The following MEF2C variants were observed in gnomAD, a reference collection of about 807,000 sequenced individuals.
MEF2C encodes myocyte enhancer factor 2C.
Under a neutral mutation model 50.5 loss-of-function variants are expected in MEF2C, and 6 were observed. That is an observed-to-expected ratio of 0.12 (90% CI 0.07 to 0.23). The LOEUF is 0.23. MEF2C is among the 10% of genes least tolerant of loss of function. The probability of loss-of-function intolerance (pLI) is 1.00; values close to 1 mark genes in which losing one functional copy is unlikely to be tolerated. For synonymous variants in MEF2C, 183 were observed against 228.0 expected (o/e 0.80, Z 1.78); for missense variants, 276 against 605.0 (o/e 0.46, Z 5.70).
Position 88,792,807 on chromosome 5 carries a change from GT to G in MEF2C, c.258+11790del, listed in dbSNP as rs896240410. 4.6e-5 allele frequency among the ~76,000 whole-genome samples: 7 copies of G among 152,256 alleles called. No homozygotes were observed. In the East Asian group the frequency reaches 1.4e-3, roughly 29 times the overall value. On this transcript the variant is annotated intron_variant, in intron 3 of 10. Transcript: ENST00000504921. ...GAGTATGGACCTAGATTACTTGAGT[GT>G]TTTTAAATTGTGCTTTGATAAACTC...
intron 2 of MEF2C, among the ~76,000 whole-genome samples, chr5:88,813,861 T>G (rs1269460081): frequency 6.6e-6 from 1 of 152,130 alleles, no homozygotes; most frequent in Non-Finnish European, 1.5e-5. Flanking sequence ...TTCAAAGGTT[T>G]GAGGTTTGAT....
intron 1 of MEF2C, among the ~76,000 whole-genome samples, chr5:88,828,970 T>C (rs1811996987): frequency 6.6e-6 from 1 of 151,982 alleles, no homozygotes; most frequent in Non-Finnish European, 1.5e-5. Flanking sequence ...TCTGAGTTTA[T>C]TTCCAAATCA....
At chr5:88,798,271 C>T (rs1437876203) in intron 3 of MEF2C, among the ~76,000 whole-genome samples, 2 of 152,164 alleles carry the variant, frequency 1.3e-5, no homozygotes, top group African/African-American at 4.8e-5. Flanking sequence ...CTTTTAGGTA[C>T]ACCAATCAAA....
At chr5:88,885,684 A>G (rs547761402), upstream of MEF2C, among the ~76,000 whole-genome samples, 1 of 152,328 alleles carries the variant, frequency 6.6e-6, no homozygotes, top group South Asian at 2.1e-4. Context: ...GTAAAAATAA[A>G]ATTAATTTTC....
chr5:88,729,649 T>A (rs1760557831), intron 8 of MEF2C: 1 of 319,456 alleles, frequency 3.1e-6, no homozygotes, highest in Admixed American at 4.7e-5. Flanking sequence ...ATGTATACTG[T>A]ACTTCCATTG....
intron 1 of MEF2C, among the ~76,000 whole-genome samples, chr5:88,855,743 T>G (rs976529857): frequency 1.3e-5 from 2 of 152,194 alleles, no homozygotes; most frequent in Non-Finnish European, 1.5e-5. Flanking sequence ...TGTGAAGAGG[T>G]GCCTTCTGCC....
intron 2 of MEF2C, among the ~76,000 whole-genome samples, chr5:88,818,887 C>G (rs762733249): frequency 2.0e-5 from 3 of 151,994 alleles, no homozygotes; most frequent in Non-Finnish European, 4.4e-5. Flanking sequence ...ATCACATTAA[C>G]TATAATAGCT....
At chr5:88,869,280 T>TAC (rs1465201410) in intron 1 of MEF2C, among the ~76,000 whole-genome samples, 58 of 73,916 alleles carry the variant, frequency 7.8e-4, no homozygotes, top group African/African-American at 4.5e-3. Context: ...TATATATACA[T>TAC]ATATATATAT....
At chr5:88,772,314 TC>T (rs1345787654) in intron 3 of MEF2C, 1 of 152,226 alleles carries the variant, frequency 6.6e-6, no homozygotes, top group Admixed American at 6.5e-5. Context: ...AGTCAGGAAC[TC>T]CCAAGATAAA....
At chr5:88,741,345 A>T (rs983258548) in intron 6 of MEF2C, 12 of 984,936 alleles carry the variant, frequency 1.2e-5, no homozygotes, top group Non-Finnish European at 1.4e-5. Context: ...CAGTTATCTC[A>T]TTTAATTTTT....
At chr5:88,821,119 C>T (rs1164414153) in intron 2 of MEF2C, among the ~76,000 whole-genome samples, 7 of 151,838 alleles carry the variant, frequency 4.6e-5, no homozygotes, top group Non-Finnish European at 2.9e-5. Flanking sequence ...TCAAACTAAG[C>T]TGAATTTAAA....
At chr5:88,791,761 A>C (rs1363572598) in intron 3 of MEF2C, among the ~76,000 whole-genome samples, 1 of 152,158 alleles carries the variant, frequency 6.6e-6, no homozygotes, top group African/African-American at 2.4e-5. Flanking sequence ...TTTGGGGAAC[A>C]AGTAAAAATA....
intron 1 of MEF2C, among the ~76,000 whole-genome samples, chr5:88,862,003 G>A (rs1825671893): frequency 6.6e-6 from 1 of 152,136 alleles, no homozygotes; most frequent in South Asian, 2.1e-4. Context: ...AATGGTATTA[G>A]TAAGCAGTGC....
intron 3 of MEF2C, among the ~76,000 whole-genome samples, chr5:88,766,449 AGAAAT>A (rs1178974861): frequency 6.6e-6 from 1 of 152,224 alleles, no homozygotes; most frequent in African/African-American, 2.4e-5. Context: ...GTTAGTAAAA[AGAAAT>A]AAGTAAATTA....
intron 1 of MEF2C, among the ~76,000 whole-genome samples, chr5:88,876,507 G>A (rs912308200): frequency 1.3e-5 from 2 of 151,890 alleles, no homozygotes; most frequent in Non-Finnish European, 1.5e-5. Flanking sequence ...ATTCAGGGTC[G>A]ACAATTAATT....
rs1416427712 is a variant in MEF2C at position 88,719,842 on chromosome 5, G to A, written c.*2762C>T. 2.0e-5 allele frequency: 3 copies of A among 152,088 alleles called. No homozygotes were observed. Among genetic ancestry groups the A allele is most frequent in the Non-Finnish European group, 4.4e-5 (3 of 68,002 alleles). The allele number at this position is 152,088 out of a possible 1,614,324, so 9.4% of individuals were successfully genotyped here. On this transcript the variant is annotated 3_prime_UTR_variant, in exon 11 of 11. Coordinates refer to ENST00000504921, the MANE Select transcript of MEF2C (RefSeq NM_002397.5). ...CAGTAGTGGGAACAAGAGATGACTG[G>A]CATCCATTTTCAAGTGATTCTGTTC... is the stretch of plus-strand genomic sequence containing the variant.
chr5:88,749,043 A>G, intron 6 of MEF2C, 27 bp downstream of exon 6: 2 of 1,561,486 alleles, frequency 1.3e-6, no homozygotes, highest in Non-Finnish European at 1.7e-6. Context: ...ACAATGATAC[A>G]TACTGCAGTA....
intron 2 of MEF2C, among the ~76,000 whole-genome samples, chr5:88,822,491 G>T (rs2153219839): frequency 6.6e-6 from 1 of 152,028 alleles, no homozygotes; most frequent in Admixed American, 6.6e-5. Flanking sequence ...GCCAAAAATA[G>T]TTCAAGTTGT....
At chr5:88,901,794 C>A (rs569199694) in intron 1 of MEF2C, among the ~76,000 whole-genome samples, 1 of 151,718 alleles carries the variant, frequency 6.6e-6, no homozygotes, top group Non-Finnish European at 1.5e-5. Context: ...GAATTTACAG[C>A]CTCTCATAAT....
Sources: gnomAD v4.1 joint callset for allele counts (sites outside exome capture counted in the v4.1 genomes callset) on GRCh38, gnomAD v4.1.1 for gene constraint, MANE v1.5 for transcripts, NCBI Gene and HGNC (gene_info 2026-07-23, HGNC 2026-07-21) for gene names.